The following ZNF366 variants were observed in gnomAD, a reference collection of about 807,000 sequenced individuals.
ZNF366 encodes the protein dendritic cell-specific transcript protein.
ZNF366 carries 20 observed loss-of-function variants against 47.2 expected under a neutral mutation model. The ratio of observed to expected loss-of-function variants is 0.42; its 90% CI spans 0.30 to 0.62. The LOEUF is 0.62. Among genes scored for constraint, ZNF366 ranks in the 20% least tolerant of loss-of-function variants. ZNF366 has a pLI of 0.16. For synonymous variants in ZNF366, 421 were observed against 395.1 expected (o/e 1.07, Z -0.78); for missense variants, 987 against 976.3 (o/e 1.01, Z -0.15).
intron 2 of ZNF366, 106 bp from the exon 3 acceptor site, chr5:72,456,701 TG>T: frequency 1.7e-6 from 2 of 1,155,488 alleles, no homozygotes; most frequent in Non-Finnish European, 1.2e-6. Flanking sequence ...ACAAAGAGCT[TG>T]GTGATAGATG....
chr5:72,467,351 G>A (rs567405667), intron 1 of ZNF366, among the ~76,000 whole-genome samples: 8 of 152,222 alleles, frequency 5.3e-5, no homozygotes, highest in East Asian at 3.9e-4. Context: ...TAGGGAAATC[G>A]GGAATGAATG....
At chr5:72,503,199 T>C (rs1361206023) in intron 1 of ZNF366, among the ~76,000 whole-genome samples, 2 of 152,144 alleles carry the variant, frequency 1.3e-5, no homozygotes, top group Non-Finnish European at 2.9e-5. Flanking sequence ...TTACATATGG[T>C]TCTAGAACAC....
intron 1 of ZNF366, among the ~76,000 whole-genome samples, chr5:72,465,871 A>G (rs1344849150): frequency 6.6e-6 from 1 of 152,234 alleles, no homozygotes; most frequent in African/African-American, 2.4e-5. Context: ...GAGAGTGAGT[A>G]AGTTACTTTT....
chr5:72,491,653 A>G (rs1329598590), intron 1 of ZNF366, among the ~76,000 whole-genome samples: 1 of 152,238 alleles, frequency 6.6e-6, no homozygotes, highest in Non-Finnish European at 1.5e-5. Context: ...GATACCAGAA[A>G]AAGACACTTA....
chr5:72,446,016 GTCTA>G, intron 4 of ZNF366, among the ~76,000 whole-genome samples: 1 of 152,236 alleles, frequency 6.6e-6, no homozygotes, highest in African/African-American at 2.4e-5. Context: ...GTGTGCATAT[GTCTA>G]TCTGTTTATG....
At chr5:72,475,121 G>A (rs1743647074) in intron 1 of ZNF366, among the ~76,000 whole-genome samples, 1 of 152,156 alleles carries the variant, frequency 6.6e-6, no homozygotes, top group South Asian at 2.1e-4. Context: ...CTGGAGTCTT[G>A]AGAAGAAAGG....
Position 72,448,889 on chromosome 5 carries a change from A to G in ZNF366, c.1525-1472T>C, listed in dbSNP as rs1743008551. The stretch of plus-strand genomic sequence containing the variant: ...ATGGATAATAAATGGCTGGTTCTGT[A>G]TTCTTGAATGATTCATGTTTGAGAA... On this transcript the variant is annotated intron_variant, in intron 3 of 4. Coordinates refer to ENST00000318442, the MANE Select transcript of ZNF366 (RefSeq NM_152625.3). Among the ~76,000 whole-genome samples the G allele has an allele frequency of 2.6e-5, 4 of 152,298 alleles. No homozygotes were observed. In the South Asian group the frequency reaches 8.3e-4, roughly 32 times the overall value.
chr5:72,463,405 T>C (rs1462792821), intron 1 of ZNF366, among the ~76,000 whole-genome samples: 2 of 152,258 alleles, frequency 1.3e-5, no homozygotes, highest in Non-Finnish European at 2.9e-5. Flanking sequence ...AAAATAATGC[T>C]TAATATTTGC....
chr5:72,488,817 A>G (rs1743947674), intron 1 of ZNF366, among the ~76,000 whole-genome samples: 1 of 152,264 alleles, frequency 6.6e-6, no homozygotes, highest in Non-Finnish European at 1.5e-5. Flanking sequence ...CAAAGAGCTC[A>G]GAAGCTGACA....
rs1742856539 is a variant in ZNF366 at position 72,441,698 on chromosome 5, A to G, written c.*2058T>C. The G allele has an allele frequency of 1.3e-5, 2 of 152,314 alleles. No individual in the cohort carries two copies. Among genetic ancestry groups the G allele is most frequent in the Admixed American group, 6.5e-5 (1 of 15,284 alleles). 9.4% of individuals were successfully genotyped at this position (152,314 alleles called of 1,614,324 possible). On this transcript the variant is annotated 3_prime_UTR_variant, in exon 5 of 5. Transcript: ENST00000318442. ...GGCTAATGGGGCAGCACCTTGGCCT[A>G]CAGAAAAGGCCAGCCCCCAGCAGTT...
intron 2 of ZNF366, among the ~76,000 whole-genome samples, chr5:72,458,182 A>T (rs907212436): frequency 2.0e-5 from 3 of 151,794 alleles, no homozygotes; most frequent in African/African-American, 7.3e-5. Context: ...ATGCCCGGCT[A>T]ATTTTTTGTA....
chr5:72,492,223 G>C (rs180957159), intron 1 of ZNF366, among the ~76,000 whole-genome samples: 16 of 152,274 alleles, frequency 1.1e-4, no homozygotes, highest in Admixed American at 6.5e-4. Flanking sequence ...ATAGGTGACA[G>C]GGAAGCGTAT....
chr5:72,475,580 C>T (rs1003240677), intron 1 of ZNF366, among the ~76,000 whole-genome samples: 1 of 152,180 alleles, frequency 6.6e-6, no homozygotes, highest in Non-Finnish European at 1.5e-5. Context: ...AGGGCCTGTA[C>T]AGAATAAGTG....
chr5:72,481,029 A>T (rs1030791208), intron 1 of ZNF366, among the ~76,000 whole-genome samples: 2 of 152,142 alleles, frequency 1.3e-5, no homozygotes, highest in African/African-American at 4.8e-5. Context: ...GGACGGAAGG[A>T]ACACCATGTG....
intron 1 of ZNF366, among the ~76,000 whole-genome samples, chr5:72,481,657 A>C (rs1357899603): frequency 6.6e-6 from 1 of 152,210 alleles, no homozygotes; most frequent in East Asian, 1.9e-4. Flanking sequence ...CTATAAATGT[A>C]TCTTTTTGTC....
Position 72,460,568 on chromosome 5 carries a change from T to C in ZNF366, c.929A>G (p.Lys310Arg). Reference sequence around the variant, plus strand: ...GAAGGCCTTGTGGCACACCTGGCACTTGTGGGGCCGCGTGCCCTGGTGGGT... The same window carrying C: ...GAAGGCCTTGTGGCACACCTGGCACCTGTGGGGCCGCGTGCCCTGGTGGGT... ...MLTHQGTRPH[K>R]CQVCHKAFTQ... The change falls in exon 2 of 5, where the codon AAG (lysine) becomes AGG (arginine). Residue 310 changes from lysine (K) to arginine (R), a missense_variant. By Grantham distance (26) the Lys-to-Arg change is conservative. Around this residue, in one of 3 missense-constraint regions of ZNF366, gnomAD observed 591 missense variants for 560.9 expected, o/e 1.05. Transcript: ENST00000318442. 1 of 1,614,112 alleles carries C rather than the reference T, an allele frequency of 6.2e-7. No individual in the cohort carries two copies. The highest frequency in any genetic ancestry group is 8.5e-7 in the Non-Finnish European group (1 of 1,180,036).
chr5:72,473,861 G>A (rs1391290700), intron 1 of ZNF366, among the ~76,000 whole-genome samples: 1 of 152,170 alleles, frequency 6.6e-6, no homozygotes, highest in Non-Finnish European at 1.5e-5. Context: ...ACCTTGCACT[G>A]TACTGGTCAC....
chr5:72,445,787 A>C (rs1742947630), intron 4 of ZNF366, among the ~76,000 whole-genome samples: 2 of 152,216 alleles, frequency 1.3e-5, no homozygotes, highest in Non-Finnish European at 2.9e-5. Context: ...AGCTTGGGGA[A>C]GTGGCTCAGG....
chr5:72,500,865 T>C (rs1023482824), intron 1 of ZNF366, among the ~76,000 whole-genome samples: 6 of 152,352 alleles, frequency 3.9e-5, no homozygotes, highest in East Asian at 1.9e-4. Flanking sequence ...AGCTCCTAGG[T>C]GGTGCCATGG....
Sources: allele counts gnomAD v4.1 joint callset (sites outside exome capture counted in the v4.1 genomes callset), GRCh38; gene constraint gnomAD v4.1.1; regional missense constraint gnomAD v4.1.1; transcripts MANE v1.5; gene names NCBI Gene and HGNC (gene_info 2026-07-23, HGNC 2026-07-21).